Variants in RIC1 observed in about 807,000 individuals in gnomAD.
RIC1 encodes the protein RIC1 partner of RAB6A GEF complex.
In RIC1, 88 loss-of-function variants were observed where a neutral mutation model predicts 169.0. That is an observed-to-expected ratio of 0.52 (90% CI 0.44 to 0.62). The LOEUF is 0.62. RIC1 is among the 20% of genes least tolerant of loss of function. The probability of loss-of-function intolerance (pLI) is 0.00; values close to 1 mark genes in which losing one functional copy is unlikely to be tolerated. For missense variants in RIC1, 1,877 were observed against 1,725.5 expected (o/e 1.09, Z -1.56); for synonymous variants, 790 against 601.5 (o/e 1.31, Z -4.59).
chr9:5,681,494 T>C (rs1820836789), intron 2 of RIC1, among the ~76,000 whole-genome samples: 1 of 152,256 alleles, frequency 6.6e-6, no homozygotes, highest in Non-Finnish European at 1.5e-5. Flanking sequence ...TTGATTGCAC[T>C]ATGGTCTGAC....
At chr9:5,689,576 T>G (rs1468649747) in intron 2 of RIC1, among the ~76,000 whole-genome samples, 1 of 152,222 alleles carries the variant, frequency 6.6e-6, no homozygotes, top group African/African-American at 2.4e-5. Flanking sequence ...AAAGGTGTAA[T>G]AAAGCCATAA....
intron 2 of RIC1, among the ~76,000 whole-genome samples, chr9:5,668,588 T>C (rs1413485616): frequency 2.0e-5 from 3 of 152,230 alleles, no homozygotes; most frequent in Non-Finnish European, 4.4e-5. Flanking sequence ...TTCTTCTTTT[T>C]GCTCCTTAGA....
intron 17 of RIC1, 133 bp from the exon 18 acceptor site, chr9:5,762,408 G>C: frequency 3.7e-6 from 4 of 1,085,300 alleles, no homozygotes; most frequent in Non-Finnish European, 5.2e-6. Context: ...GAGCCTAGCA[G>C]AATGGCTGTA....
intron 12 of RIC1, 114 bp downstream of exon 12, chr9:5,747,619 A>G: frequency 1.1e-6 from 1 of 907,282 alleles, no homozygotes; most frequent in Non-Finnish European, 1.7e-6. Context: ...CCTTTTAACC[A>G]TTTTGTCATG....
chr9:5,751,480 C>G (rs560524829), intron 12 of RIC1, among the ~76,000 whole-genome samples: 12 of 151,796 alleles, frequency 7.9e-5, no homozygotes, highest in African/African-American at 2.7e-4. Context: ...GTCAGCTTCC[C>G]GAGTAGCTGG....
At chr9:5,766,820 T>C (rs983569706) in intron 21 of RIC1, among the ~76,000 whole-genome samples, 2 of 152,222 alleles carry the variant, frequency 1.3e-5, no homozygotes, top group African/African-American at 2.4e-5. Flanking sequence ...TGTGCAAGTA[T>C]CTTTTTTGAA....
chr9:5,630,108 C>T (rs1370204963), intron 1 of RIC1, among the ~76,000 whole-genome samples: 8 of 152,148 alleles, frequency 5.3e-5, no homozygotes, highest in Admixed American at 1.3e-4. Flanking sequence ...CAAATCTGTC[C>T]GCGGAACTCC....
chr9:5,667,157 G>A (rs537291416), intron 2 of RIC1, among the ~76,000 whole-genome samples: 2 of 151,996 alleles, frequency 1.3e-5, no homozygotes, highest in South Asian at 4.1e-4. Flanking sequence ...TAATGCCATC[G>A]CTACAAAAAA....
intron 2 of RIC1, among the ~76,000 whole-genome samples, chr9:5,658,395 T>G (rs1563875386): frequency 6.6e-6 from 1 of 152,018 alleles, no homozygotes; most frequent in African/African-American, 2.4e-5. Context: ...TTCACAAAAA[T>G]AAAATATGAA....
Position 5,774,176 on chromosome 9 carries a change from A to C in RIC1, c.4202A>C (p.Glu1401Ala). 1 of 1,613,618 alleles carries C rather than the reference A, an allele frequency of 6.2e-7. No homozygotes were observed. The highest frequency in any genetic ancestry group is 8.5e-7 in the Non-Finnish European group (1 of 1,179,908). The change falls in exon 26 of 26, where the codon GAG (glutamate) becomes GCG (alanine). Residue 1401 changes from glutamate (E) to alanine (A), a missense_variant. This residue lies in a region of RIC1 where 681 missense variants were observed against 582.0 expected (regional missense o/e 1.17). Transcript: ENST00000414202. Reference protein sequence around the residue: ...VGSSNMVSRKEEDTAQAEEEE... With the variant: ...VGSSNMVSRKAEDTAQAEEEE... The stretch of plus-strand genomic sequence containing the variant: ...AGCAGCAATATGGTCAGCCGGAAAG[A>C]GGAGGACACAGCCCAAGCAGAGGAG...
At chr9:5,739,700 G>T (rs1003664808) in intron 8 of RIC1, among the ~76,000 whole-genome samples, 35 of 152,160 alleles carry the variant, frequency 2.3e-4, no homozygotes, top group Admixed American at 4.6e-4. Flanking sequence ...AGGTGGAAGG[G>T]CTAATGGCAG....
rs569958830 is a variant in RIC1, at chr9:5,629,396, G to A, written c.87G>A (p.Pro29=). Reference sequence around the variant, plus strand: ...CGCCTTTCCACGTTCAGTCCGACCCGCAGAGGGCTTTCTTCGCCGTGCTGG... The same window carrying A: ...CGCCTTTCCACGTTCAGTCCGACCCACAGAGGGCTTTCTTCGCCGTGCTGG... ...AEAPFHVQSD[P]QRAFFAVLAA... is the part of the protein sequence containing the mutation. Residue 29 remains proline, a synonymous_variant, in exon 1 of 26, where the codon CCG becomes CCA. Transcript: ENST00000414202. 2.6e-6 allele frequency: 4 copies of A among 1,533,292 alleles called. No homozygotes were observed. The highest frequency in any genetic ancestry group is 2.5e-5 in the East Asian group (1 of 40,598). The allele number at this position is 1,533,292 out of a possible 1,614,324, so 95.0% of individuals were successfully genotyped here.
In RIC1 at chr9:5,770,087, T is replaced by A; in HGVS notation, c.3425T>A (p.Val1142Glu). The change falls in exon 23 of 26, where the codon GTG becomes GAG. Residue 1142 changes from valine to glutamate, a missense_variant and splice_region_variant. Physicochemically the swap from Val to Glu is moderately radical, Grantham distance 121 (BLOSUM62 -2). Coordinates refer to ENST00000414202, the MANE Select transcript of RIC1 (RefSeq NM_020829.4). ...TTTTGTTTTCGGACCCACTCTGCAGTGGGAGAGCAGCTGTTAAAGTCTCAA... is the reference window on the plus strand; with the variant it reads ...TTTTGTTTTCGGACCCACTCTGCAGAGGGAGAGCAGCTGTTAAAGTCTCAA... ...SPFKNGKYRT[V>E]GEQLLKSQSA... 1.9e-6 allele frequency: 3 copies of A among 1,609,940 alleles called. No homozygotes were observed. Among genetic ancestry groups the A allele is most frequent in the Non-Finnish European group, 2.5e-6 (3 of 1,177,888 alleles).
At chr9:5,687,343 C>A (rs963748069) in intron 2 of RIC1, among the ~76,000 whole-genome samples, 1 of 152,080 alleles carries the variant, frequency 6.6e-6, no homozygotes, top group African/African-American at 2.4e-5. Context: ...CCACTCTGAT[C>A]TCTGTTATTT....
intron 14 of RIC1, 137 bp downstream of exon 14, chr9:5,753,783 T>C (rs1006242170): frequency 6.4e-6 from 3 of 466,800 alleles, no homozygotes; most frequent in African/African-American, 2.0e-5. Flanking sequence ...AAAAGTGATA[T>C]TGAATAATAT....
intron 2 of RIC1, among the ~76,000 whole-genome samples, chr9:5,678,297 G>A (rs1002822827): frequency 2.0e-5 from 3 of 152,076 alleles, no homozygotes; most frequent in Admixed American, 6.6e-5. Context: ...GAATAGTGCC[G>A]CAGTAAACAT....
chr9:5,772,497 T>C, intron 23 of RIC1, 67 bp from the exon 24 acceptor site: 2 of 1,325,372 alleles, frequency 1.5e-6, no homozygotes, highest in Non-Finnish European at 2.0e-6. Flanking sequence ...ACAGCTAATA[T>C]TTAAAATTAA....
At chr9:5,768,057 C>T (rs1213988913) in intron 21 of RIC1, among the ~76,000 whole-genome samples, 1 of 152,204 alleles carries the variant, frequency 6.6e-6, no homozygotes, top group Non-Finnish European at 1.5e-5. Context: ...AAATGAGTGG[C>T]AGAGCCAAGA....
chr9:5,672,874 T>A (rs1340874450), intron 2 of RIC1, among the ~76,000 whole-genome samples: 1 of 152,164 alleles, frequency 6.6e-6, no homozygotes, highest in Non-Finnish European at 1.5e-5. Flanking sequence ...TTCTCACTAC[T>A]AACCCTGGAA....
Sources: allele counts gnomAD v4.1 joint callset (sites outside exome capture counted in the v4.1 genomes callset), GRCh38; gene constraint gnomAD v4.1.1; regional missense constraint gnomAD v4.1.1; transcripts MANE v1.5; gene names NCBI Gene and HGNC (gene_info 2026-07-23, HGNC 2026-07-21).